GSTA4: variants seen among roughly 807,000 people sequenced by gnomAD.
GSTA4 encodes the protein glutathione S-transferase A4.
GSTA4 carries 15 observed loss-of-function variants against 24.4 expected under a neutral mutation model. That is an observed-to-expected ratio of 0.61 (90% confidence interval 0.41 to 0.95). The LOEUF (loss-of-function observed/expected upper bound fraction) is 0.95. Ranked by LOEUF, GSTA4 falls within the 40% of genes least tolerant of loss-of-function variation. The pLI is 0.00. For missense variants in GSTA4, 244 were observed against 262.1 expected (o/e 0.93, Z 0.48); for synonymous variants, 92 against 94.2 (o/e 0.98, Z 0.13).
chr6:52,980,599 C>G (rs597348), intron 6 of GSTA4, among the ~76,000 whole-genome samples: 85,389 of 151,678 alleles, frequency 0.56, 24,342 homozygotes, highest in East Asian at 0.74. Flanking sequence ...CCACTGCGCC[C>G]GGCCTAGATT....
At chr6:52,983,920 T>C (rs1398570254) in intron 5 of GSTA4, among the ~76,000 whole-genome samples, 1 of 152,102 alleles carries the variant, frequency 6.6e-6, no homozygotes. Flanking sequence ...AGTGTTTGCA[T>C]TGAAACACTA....
Position 52,985,484 on chromosome 6 carries a change from T to G in GSTA4, c.239A>C (p.Asn80Thr). Residue 80 changes from asparagine (N) to threonine (T), a missense_variant, in exon 4 of 7, where the codon AAT becomes ACT. Coordinates refer to ENST00000370963, the MANE Select transcript of GSTA4 (RefSeq NM_001512.4). ...SILHYIADKH[N>T]LFGKNLKERT... The stretch of plus-strand genomic sequence containing the variant: ...CTCCTTGAGGTTCTTGCCAAAGAGA[T>G]TGTGCTTGTCTGCTATGTAGTGGAG... 6.2e-7 allele frequency: 1 copy of G among 1,614,068 alleles called. No homozygotes were observed. Among genetic ancestry groups the G allele is most frequent in the South Asian group, 1.1e-5 (1 of 91,074 alleles).
At chr6:52,993,065 T>C (rs1763694532) in intron 2 of GSTA4, among the ~76,000 whole-genome samples, 2 of 152,142 alleles carry the variant, frequency 1.3e-5, no homozygotes, top group South Asian at 4.1e-4. Context: ...ATCACACCAC[T>C]GCACTCCAGC....
intron 2 of GSTA4, 27 bp from the exon 3 acceptor site, chr6:52,987,435 T>C (rs766516690): frequency 3.4e-6 from 4 of 1,174,526 alleles, no homozygotes; most frequent in Admixed American, 1.9e-5. Flanking sequence ...GAAACGTATA[T>C]ATACATAGTG....
At chr6:52,985,910 G>C (rs1763544871) in intron 3 of GSTA4, among the ~76,000 whole-genome samples, 1 of 152,094 alleles carries the variant, frequency 6.6e-6, no homozygotes, top group Admixed American at 6.5e-5. Context: ...AATTAGCCGG[G>C]TGTGGTAGCA....
chr6:52,984,683 CTTT>C (rs11444456), intron 4 of GSTA4, 78 bp from the exon 5 acceptor site: 3,776 of 787,874 alleles, frequency 4.8e-3, no homozygotes, highest in Non-Finnish European at 5.8e-3. Context: ...ATTCAGAGTG[CTTT>C]TTTTTTTTTT....
At chr6:52,985,103 G>A (rs936576176) in intron 4 of GSTA4, among the ~76,000 whole-genome samples, 3 of 152,048 alleles carry the variant, frequency 2.0e-5, no homozygotes, top group African/African-American at 7.3e-5. Flanking sequence ...ATAATCTAAT[G>A]CTCACTCTCC....
rs1324581828 is a variant in GSTA4 at position 52,984,590 on chromosome 6, C to T, written c.288G>A (p.Val96=). Residue 96 remains valine, a synonymous_variant, in exon 5 of 7, where the codon GTG becomes GTA. Transcript: ENST00000370963. The part of the protein sequence containing the change: ...LKERTLIDMY[V]EGTLDLLELL... ...GTTCCAGCAGATCCAGTGTCCCCTC[C>T]ACGTACATGTCAATCCTTAAAACAA... is the stretch of plus-strand genomic sequence containing the variant. 6.2e-7 allele frequency: 1 copy of T among 1,613,310 alleles called. No individual in the cohort carries two copies. Among genetic ancestry groups the T allele is most frequent in the African/African-American group, 1.3e-5 (1 of 74,818 alleles).
At chr6:52,981,432 T>C (rs1443116752) in intron 6 of GSTA4, among the ~76,000 whole-genome samples, 2 of 152,182 alleles carry the variant, frequency 1.3e-5, no homozygotes, top group Non-Finnish European at 2.9e-5. Flanking sequence ...CTGCAGGCCA[T>C]ATGGTCTCTA....
chr6:52,981,117 G>A (rs1489087281), intron 6 of GSTA4, among the ~76,000 whole-genome samples: 1 of 150,164 alleles, frequency 6.7e-6, no homozygotes, highest in Non-Finnish European at 1.5e-5. Context: ...AAAAAAAATT[G>A]AAAAAAAAAT....
At chr6:52,994,978 T>G (rs1298436396) in intron 1 of GSTA4, 1 of 152,274 alleles carries the variant, frequency 6.6e-6, no homozygotes, top group Non-Finnish European at 1.5e-5. Context: ...CGAGCCCACC[T>G]TCCACCAATG....
intron 6 of GSTA4, among the ~76,000 whole-genome samples, chr6:52,980,936 G>A (rs749803181): frequency 2.6e-5 from 4 of 152,196 alleles, no homozygotes; most frequent in Non-Finnish European, 5.9e-5. Flanking sequence ...TGACTGGAAT[G>A]AAGCTGGCAC....
At chr6:52,981,686 C>G (rs971049457) in intron 6 of GSTA4, among the ~76,000 whole-genome samples, 1 of 152,048 alleles carries the variant, frequency 6.6e-6, no homozygotes, top group Non-Finnish European at 1.5e-5. Flanking sequence ...GAGTTACAGT[C>G]TGCACATTAG....
At chr6:52,981,518 A>G (rs1763451030) in intron 6 of GSTA4, among the ~76,000 whole-genome samples, 1 of 152,266 alleles carries the variant, frequency 6.6e-6, no homozygotes, top group Admixed American at 6.5e-5. Flanking sequence ...ATGGCTTTGT[A>G]CCAATGAAAT....
At chr6:52,981,010 A>C (rs985413713) in intron 6 of GSTA4, among the ~76,000 whole-genome samples, 6 of 152,190 alleles carry the variant, frequency 3.9e-5, no homozygotes, top group Non-Finnish European at 7.3e-5. Context: ...CTTTTTTAAC[A>C]GTGCAAAAGA....
intron 2 of GSTA4, among the ~76,000 whole-genome samples, chr6:52,991,211 T>C (rs987174305): frequency 7.2e-5 from 11 of 152,312 alleles, no homozygotes; most frequent in African/African-American, 2.6e-4. Context: ...AGTTAATGAG[T>C]GACAAGTACT....
chr6:52,986,075 A>G (rs1214240028), intron 3 of GSTA4, among the ~76,000 whole-genome samples: 1 of 152,152 alleles, frequency 6.6e-6, no homozygotes. Flanking sequence ...GAAAACTAGC[A>G]TTGTTATAAA....
At position 52,978,344 on chromosome 6, in the gene GSTA4, AGACCCAACTTAG is replaced by A. The variant is rs1264678540; in HGVS notation, c.*114_*125del. ...GAAGAGATGATCTCGTTGACACAAA[AGACCCAACTTAG>A]GACCCAACTTAATACATAGATAGCA... On this transcript the variant is annotated 3_prime_UTR_variant, in exon 7 of 7. Transcript: ENST00000370963. The A allele has an allele frequency of 2.2e-6, 2 of 892,880 alleles. No individual in the cohort carries two copies. Among genetic ancestry groups the A allele is most frequent in the East Asian group, 2.7e-5 (1 of 37,478 alleles). 55.3% of individuals were successfully genotyped at this position (892,880 alleles called of 1,614,324 possible). A position where few individuals can be genotyped will look rare whatever the true frequency, so the allele number is the denominator to read the frequency against.
At chr6:52,978,674 C>A (rs7740177) in intron 6 of GSTA4, 82 bp from the exon 7 acceptor site, 3 of 976,394 alleles carry the variant, frequency 3.1e-6, no homozygotes, top group Admixed American at 5.2e-5. Flanking sequence ...AAATGGCCCA[C>A]CAAAATTTGT....
Sources: gnomAD v4.1 joint callset for allele counts (sites outside exome capture counted in the v4.1 genomes callset) on GRCh38, gnomAD v4.1.1 for gene constraint, MANE v1.5 for transcripts, NCBI Gene and HGNC (gene_info 2026-07-23, HGNC 2026-07-21) for gene names.